The following PARD3B variants were observed in gnomAD, a reference collection of about 807,000 sequenced individuals.
The protein encoded by PARD3B is par-3 family cell polarity regulator beta.
In PARD3B, 103 loss-of-function variants were observed where a neutral mutation model predicts 130.2. The observed-to-expected ratio is 0.79, with a 90% CI of 0.67 to 0.93. PARD3B has a LOEUF of 0.93. Ranked by LOEUF, PARD3B falls within the 40% of genes least tolerant of loss-of-function variation. The pLI is 0.00. For synonymous variants in PARD3B, 583 were observed against 553.2 expected (o/e 1.05, Z -0.76); for missense variants, 1,609 against 1,499.2 (o/e 1.07, Z -1.21).
chr2:205,092,422 A>G (rs1393786042), intron 4 of PARD3B, among the ~76,000 whole-genome samples: 1 of 152,176 alleles, frequency 6.6e-6, no homozygotes, highest in Non-Finnish European at 1.5e-5. Flanking sequence ...CATTTACATC[A>G]AGGTAGCAGA....
intron 15 of PARD3B, among the ~76,000 whole-genome samples, chr2:205,226,309 G>A (rs549035898): frequency 6.6e-6 from 1 of 152,144 alleles, no homozygotes; most frequent in South Asian, 2.1e-4. Flanking sequence ...CCAAGTTCTG[G>A]GATCACAGGC....
chr2:204,999,037 C>G (rs1294283683), intron 3 of PARD3B, among the ~76,000 whole-genome samples: 4 of 151,854 alleles, frequency 2.6e-5, no homozygotes, highest in Non-Finnish European at 5.9e-5. Flanking sequence ...CTAGAGTAAT[C>G]TCAAACTGGC....
intron 3 of PARD3B, among the ~76,000 whole-genome samples, chr2:205,010,524 A>G (rs1312602751): frequency 2.6e-5 from 4 of 152,240 alleles, no homozygotes; most frequent in Admixed American, 1.3e-4. Context: ...GAAAGATTAC[A>G]TGAGAGCAAA....
At chr2:205,546,841 GATATT>G (rs1479889773) in intron 21 of PARD3B, among the ~76,000 whole-genome samples, 1 of 151,994 alleles carries the variant, frequency 6.6e-6, no homozygotes, top group Non-Finnish European at 1.5e-5. Flanking sequence ...CATATAATGG[GATATT>G]ATATAGCCAT....
chr2:204,732,077 A>G (rs1045535125), intron 2 of PARD3B, among the ~76,000 whole-genome samples: 2 of 99,136 alleles, frequency 2.0e-5, no homozygotes, highest in African/African-American at 6.6e-5. Context: ...GTAGAAAATA[A>G]TTGTGGTTTT....
At chr2:205,367,099 G>A (rs902371840) in intron 18 of PARD3B, among the ~76,000 whole-genome samples, 1 of 152,168 alleles carries the variant, frequency 6.6e-6, no homozygotes, top group Non-Finnish European at 1.5e-5. Flanking sequence ...ATAGTGCCTT[G>A]CATCTTCAAG....
chr2:205,394,915 A>G (rs1184903067), intron 18 of PARD3B, among the ~76,000 whole-genome samples: 2 of 152,208 alleles, frequency 1.3e-5, no homozygotes, highest in East Asian at 3.8e-4. Flanking sequence ...AATTCTGGAC[A>G]TGAATAGTGT....
At chr2:204,989,917 C>T (rs1369664773) in intron 3 of PARD3B, among the ~76,000 whole-genome samples, 1 of 152,018 alleles carries the variant, frequency 6.6e-6, no homozygotes, top group Non-Finnish European at 1.5e-5. Flanking sequence ...GAACATATAA[C>T]AATTTTCTCT....
chr2:204,912,997 T>C (rs1306100277), intron 2 of PARD3B, among the ~76,000 whole-genome samples: 1 of 152,218 alleles, frequency 6.6e-6, no homozygotes, highest in Non-Finnish European at 1.5e-5. Flanking sequence ...TGATGGTAAT[T>C]TAGCCTACAG....
At chr2:204,547,357 A>G (rs1407482601) in intron 1 of PARD3B, among the ~76,000 whole-genome samples, 1 of 152,210 alleles carries the variant, frequency 6.6e-6, no homozygotes, top group Non-Finnish European at 1.5e-5. Flanking sequence ...TGAAAGGTCT[A>G]TTAATATATT....
intron 16 of PARD3B, among the ~76,000 whole-genome samples, chr2:205,247,056 T>G (rs2039603611): frequency 6.6e-6 from 1 of 152,212 alleles, no homozygotes; most frequent in Admixed American, 6.5e-5. Context: ...ATTCTACTGC[T>G]TATAGTTCTC....
chr2:205,297,906 T>C (rs1428197670), intron 16 of PARD3B, among the ~76,000 whole-genome samples: 2 of 152,240 alleles, frequency 1.3e-5, no homozygotes, highest in Admixed American at 6.5e-5. Context: ...AGTGAATTAA[T>C]TGCCAACTCT....
In PARD3B at chr2:204,696,250, GTCTCATGA is replaced by G. The variant is rs2037606702; in HGVS notation, c.222+9970_222+9977del. ...ACCTTCCGTTAAATCATGACCTGAG[GTCTCATGA>G]TTTAACGGAAGAAAAAAACGGAAAC... On this transcript the variant is annotated intron_variant, in intron 2 of 22. Transcript: ENST00000406610. Among the ~76,000 whole-genome samples, 6 of 151,942 alleles carry G rather than the reference GTCTCATGA, an allele frequency of 3.9e-5. No homozygotes were observed. In the South Asian group the frequency reaches 1.2e-3, roughly 32 times the overall value.
intron 1 of PARD3B, among the ~76,000 whole-genome samples, chr2:204,547,063 C>T (rs894605494): frequency 1.3e-5 from 2 of 152,122 alleles, no homozygotes; most frequent in African/African-American, 4.8e-5. Context: ...CTTGTTTTAG[C>T]GGCCAATGGT....
chr2:205,355,342 A>G lies in PARD3B; in HGVS notation c.2631-45671A>G, dbSNP rs551087021. Among the ~76,000 whole-genome samples, 4 of 152,364 alleles carry G rather than the reference A, an allele frequency of 2.6e-5. No individual in the cohort carries two copies. The South Asian group carries it at 8.3e-4, about 32-fold the overall frequency. On this transcript the variant is annotated intron_variant, in intron 18 of 22. Transcript: ENST00000406610. ...CTTCAGGATAAAAAAGTTTTGAACC[A>G]TGATGCATTTGTTTTATAAAATGAA... is the stretch of plus-strand genomic sequence containing the variant.
At chr2:205,495,448 C>T (rs541865318) in intron 20 of PARD3B, among the ~76,000 whole-genome samples, 1 of 152,058 alleles carries the variant, frequency 6.6e-6, no homozygotes, top group Non-Finnish European at 1.5e-5. Context: ...ATTAGGAAAG[C>T]CTAATTGTTA....
chr2:204,577,346 T>TATC (rs61100244), intron 1 of PARD3B, among the ~76,000 whole-genome samples: 1 of 152,226 alleles, frequency 6.6e-6, no homozygotes, highest in African/African-American at 2.4e-5. Flanking sequence ...CATTTACTAT[T>TATC]ATCATTATTA....
chr2:205,294,827 A>G (rs1312785234), intron 16 of PARD3B, among the ~76,000 whole-genome samples: 9 of 152,206 alleles, frequency 5.9e-5, no homozygotes, highest in African/African-American at 2.2e-4. Flanking sequence ...CAGATAATGT[A>G]AAGCCAAATT....
chr2:205,111,969 A>G (rs918386573), intron 5 of PARD3B, among the ~76,000 whole-genome samples: 2 of 152,100 alleles, frequency 1.3e-5, no homozygotes, highest in Non-Finnish European at 2.9e-5. Context: ...TGAAAGCCAT[A>G]CAACTTTCTC....
Sources: allele counts gnomAD v4.1 joint callset (sites outside exome capture counted in the v4.1 genomes callset), GRCh38; gene constraint gnomAD v4.1.1; transcripts MANE v1.5; gene names NCBI Gene and HGNC (gene_info 2026-07-23, HGNC 2026-07-21).